Variants in SYN3 observed in about 807,000 individuals in gnomAD.
The protein encoded by SYN3 is synapsin-3.
A neutral mutation model predicts 65.8 loss-of-function variants in SYN3; 35 were observed. The ratio of observed to expected loss-of-function variants is 0.53; its 90% CI spans 0.41 to 0.70. The LOEUF is 0.70. Ranked by LOEUF, SYN3 falls within the 30% of genes least tolerant of loss-of-function variation. The pLI, the probability that SYN3 is intolerant of heterozygous loss-of-function variation, is 0.00. For missense variants in SYN3, 680 were observed against 749.0 expected, an observed-to-expected ratio of 0.91 and a Z score of 1.08; for synonymous variants, 270 against 292.9, an observed-to-expected ratio of 0.92 and a Z score of 0.80.
intron 6 of SYN3, among the ~76,000 whole-genome samples, chr22:32,705,694 A>T (rs574097231): frequency 1.3e-5 from 2 of 152,336 alleles, no homozygotes; most frequent in African/African-American, 4.8e-5. Context: ...TGAGCATGGA[A>T]TATTTTTCTA....
intron 6 of SYN3, among the ~76,000 whole-genome samples, chr22:32,701,004 T>C (rs1254019330): frequency 6.6e-6 from 1 of 152,210 alleles, no homozygotes; most frequent in East Asian, 1.9e-4. Context: ...AATCAATCCC[T>C]AAGTCCTATA....
rs1031186272 is a variant in SYN3 at position 32,509,176 on chromosome 22, C to G, written c.*4516G>C. Among the ~76,000 whole-genome samples the G allele has an allele frequency of 6.6e-6, 1 of 152,150 alleles. No individual in the cohort carries two copies. Among genetic ancestry groups the G allele is most frequent in the Non-Finnish European group, 1.5e-5 (1 of 68,036 alleles). On this transcript the variant is annotated 3_prime_UTR_variant, in exon 14 of 14. Coordinates refer to ENST00000358763, the MANE Select transcript of SYN3 (RefSeq NM_003490.4). ...TTTATCGCGCTGACGGGAGGAAGAT[C>G]TGGAAGAACTTTTCTGTGGCTGGTA...
At chr22:32,824,773 G>A (rs2047352958) in intron 6 of SYN3, among the ~76,000 whole-genome samples, 1 of 152,140 alleles carries the variant, frequency 6.6e-6, no homozygotes, top group South Asian at 2.1e-4. Context: ...CAGTGTTTGA[G>A]GCAGATGTCT....
At chr22:32,629,206 C>G (rs766849419) in intron 6 of SYN3, among the ~76,000 whole-genome samples, 1 of 152,106 alleles carries the variant, frequency 6.6e-6, no homozygotes, top group African/African-American at 2.4e-5. Context: ...GAGCAGCCCT[C>G]GAGGTAGGAA....
At chr22:32,623,834 G>A (rs996884574) in intron 6 of SYN3, among the ~76,000 whole-genome samples, 7 of 152,132 alleles carry the variant, frequency 4.6e-5, no homozygotes, top group African/African-American at 7.2e-5. Flanking sequence ...GAACTCTGTC[G>A]GAAAAACGCT....
intron 1 of SYN3, among the ~76,000 whole-genome samples, chr22:33,029,448 G>A (rs570706170): frequency 1.8e-4 from 27 of 152,160 alleles, no homozygotes; most frequent in African/African-American, 4.6e-4. Flanking sequence ...CTCCCAAAGC[G>A]CTGGGATTAC....
intron 6 of SYN3, among the ~76,000 whole-genome samples, chr22:32,681,319 C>A (rs2060519634): frequency 6.7e-6 from 1 of 149,710 alleles, no homozygotes; most frequent in African/African-American, 2.5e-5. Flanking sequence ...AGGGATAGTG[C>A]CAAATGGCTT....
At chr22:32,695,079 C>T (rs2147173778) in intron 6 of SYN3, among the ~76,000 whole-genome samples, 1 of 152,250 alleles carries the variant, frequency 6.6e-6, no homozygotes, top group Admixed American at 6.5e-5. Flanking sequence ...TCTGTAGAGG[C>T]ATTTCTTTAG....
intron 6 of SYN3, among the ~76,000 whole-genome samples, chr22:32,791,004 G>C (rs1179672357): frequency 6.6e-6 from 1 of 152,186 alleles, no homozygotes; most frequent in Non-Finnish European, 1.5e-5. Flanking sequence ...TTCAGAGATA[G>C]TGAGGAGTGC....
At chr22:32,817,635 A>T (rs1278841994) in intron 6 of SYN3, among the ~76,000 whole-genome samples, 1 of 152,212 alleles carries the variant, frequency 6.6e-6, no homozygotes, top group Non-Finnish European at 1.5e-5. Flanking sequence ...TCAAGGTCAC[A>T]CATTTGCCAG....
At chr22:32,670,739 T>C (rs2060348940) in intron 6 of SYN3, among the ~76,000 whole-genome samples, 2 of 152,270 alleles carry the variant, frequency 1.3e-5, no homozygotes, top group Admixed American at 6.5e-5. Context: ...CCAGGAAGCA[T>C]GCTGTGCAAA....
intron 1 of SYN3, among the ~76,000 whole-genome samples, chr22:33,051,816 G>C (rs1437432596): frequency 6.6e-6 from 1 of 152,154 alleles, no homozygotes; most frequent in Non-Finnish European, 1.5e-5. Context: ...GCTCTAGAGG[G>C]AGCTCAGACA....
At position 33,045,459 on chromosome 22, in the gene SYN3, C is replaced by CTTTTTT. The variant is rs745442160; in HGVS notation, c.-163+12827_-163+12832dup. On this transcript the variant is annotated intron_variant, in intron 1 of 13. Coordinates refer to ENST00000358763, the MANE Select transcript of SYN3 (RefSeq NM_003490.4). ...TTCATCAACCAGGTGGCTCTACTTT[C>CTTTTTT]TTTTTTTTTTTTTTTTTTTTTTTTT... 4.0e-4 allele frequency among the ~76,000 whole-genome samples: 34 copies of CTTTTTT among 84,726 alleles called. 2 individuals are homozygous for CTTTTTT. The highest frequency in any genetic ancestry group is 5.0e-4 in the Non-Finnish European group (21 of 42,230). 55.6% of individuals were successfully genotyped at this position (84,726 alleles called of 152,430 possible). A position where few individuals can be genotyped will look rare whatever the true frequency, so the allele number is the denominator to read the frequency against.
chr22:32,665,239 C>T lies in SYN3; in HGVS notation c.712-68503G>A, dbSNP rs944417894. Among the ~76,000 whole-genome samples the T allele has an allele frequency of 3.9e-5, 6 of 152,076 alleles. No homozygotes were observed. The East Asian group carries it at 1.2e-3, about 30-fold the overall frequency. On this transcript the variant is annotated intron_variant, in intron 6 of 13. Coordinates refer to ENST00000358763, the MANE Select transcript of SYN3 (RefSeq NM_003490.4). ...TCTTGAACTCCTGGCCTCAGGTGAT[C>T]CACCCACCTTGGCCTCCCAAAGTAC... is the stretch of plus-strand genomic sequence containing the variant.
intron 1 of SYN3, among the ~76,000 whole-genome samples, chr22:33,009,306 C>CATTCTAGTGGGTGT (rs1209894916): frequency 6.6e-6 from 1 of 152,146 alleles, no homozygotes; most frequent in Admixed American, 6.5e-5. Flanking sequence ...TCATCCTACC[C>CATTCTAGTGGGTGT]ATTCTAGTGG....
At chr22:32,622,867 T>A (rs1450844028) in intron 6 of SYN3, among the ~76,000 whole-genome samples, 1 of 151,982 alleles carries the variant, frequency 6.6e-6, no homozygotes. Flanking sequence ...TAGTTTAGCT[T>A]GTGTTTTATG....
intron 4 of SYN3, among the ~76,000 whole-genome samples, chr22:32,873,961 TAC>T (rs770083083): frequency 1.5e-4 from 22 of 149,902 alleles, no homozygotes; most frequent in Non-Finnish European, 2.7e-4. Flanking sequence ...ACCCCATCTC[TAC>T]AAAAAATACA....
chr22:33,050,872 T>C (rs1370107816), intron 1 of SYN3, among the ~76,000 whole-genome samples: 3 of 152,182 alleles, frequency 2.0e-5, no homozygotes, highest in Admixed American at 6.5e-5. Context: ...TTTTACCCAC[T>C]ACCAGCGCAG....
chr22:32,726,343 A>G (rs185737413), intron 6 of SYN3, among the ~76,000 whole-genome samples: 293 of 152,252 alleles, frequency 1.9e-3, no homozygotes, highest in African/African-American at 6.8e-3. Context: ...GGGTTTCACC[A>G]TGTTGGCCAG....
Sources: gnomAD v4.1 joint callset for allele counts (sites outside exome capture counted in the v4.1 genomes callset) on GRCh38, gnomAD v4.1.1 for gene constraint, MANE v1.5 for transcripts, NCBI Gene and HGNC (gene_info 2026-07-23, HGNC 2026-07-21) for gene names.